Variants in TMEM184B observed in about 807,000 individuals in gnomAD.
The protein encoded by TMEM184B is transmembrane protein 184B, also known as putative MAPK-activating protein FM08.
TMEM184B carries 17 observed loss-of-function variants against 41.8 expected under a neutral mutation model. That is an observed-to-expected ratio of 0.41 (90% CI 0.28 to 0.61). TMEM184B has a LOEUF of 0.61. Among genes scored for constraint, TMEM184B ranks in the 20% least tolerant of loss-of-function variants. The pLI is 0.34. For missense variants in TMEM184B, 393 were observed against 557.8 expected, an observed-to-expected ratio of 0.70 and a Z score of 2.98; for synonymous variants, 240 against 229.5, an observed-to-expected ratio of 1.05 and a Z score of -0.41.
At chr22:38,270,184 C>A (rs558606927) in intron 1 of TMEM184B, among the ~76,000 whole-genome samples, 1 of 152,258 alleles carries the variant, frequency 6.6e-6, no homozygotes, top group East Asian at 1.9e-4. Context: ...CTGGAACGCC[C>A]TCCTTCTCCT....
chr22:38,231,536 A>C, intron 3 of TMEM184B: 9 of 696,084 alleles, frequency 1.3e-5, no homozygotes, highest in Non-Finnish European at 2.4e-5. Context: ...AAAACCCGGC[A>C]CACCTAAATT....
chr22:38,230,630 C>T, intron 5 of TMEM184B, 39 bp downstream of exon 5: 1 of 1,587,358 alleles, frequency 6.3e-7, no homozygotes, highest in Non-Finnish European at 8.6e-7. Flanking sequence ...AGACCCCGCC[C>T]TGCTCCTCCT....
intron 1 of TMEM184B, among the ~76,000 whole-genome samples, chr22:38,250,597 T>C (rs1310610815): frequency 6.6e-6 from 1 of 152,210 alleles, no homozygotes; most frequent in Non-Finnish European, 1.5e-5. Context: ...ATCATCTTTG[T>C]CTATCATCCC....
chr22:38,221,232 C>T lies in TMEM184B; in HGVS notation c.*237G>A. The T allele has an allele frequency of 7.2e-7, 1 of 1,387,652 alleles. No individual in the cohort carries two copies. The highest frequency in any genetic ancestry group is 1.7e-5 in the South Asian group (1 of 59,994). 86.0% of individuals were successfully genotyped at this position (1,387,652 alleles called of 1,614,324 possible). A position where few individuals can be genotyped will look rare whatever the true frequency, so the allele number is the denominator to read the frequency against. On this transcript the variant is annotated 3_prime_UTR_variant, in exon 9 of 9. Transcript: ENST00000361906. ...GGGGCATAAGCCTTGCTCCCAGTGT[C>T]CTCTGCCCTCGCCCGGGCAGTGCAG...
intron 8 of TMEM184B, chr22:38,222,434 G>A (rs556279390): frequency 4.2e-5 from 8 of 191,596 alleles, no homozygotes; most frequent in Non-Finnish European, 5.8e-5. Context: ...AGAAGAAGGC[G>A]GGGCATATTC....
chr22:38,257,785 T>A (rs185792380), intron 1 of TMEM184B, among the ~76,000 whole-genome samples: 1 of 152,278 alleles, frequency 6.6e-6, no homozygotes, highest in East Asian at 1.9e-4. Context: ...TGGGGGTGCA[T>A]GTTCAAGAGG....
intron 3 of TMEM184B, among the ~76,000 whole-genome samples, chr22:38,240,732 CA>C (rs550793359): frequency 0.068 from 4,483 of 66,162 alleles, 28 homozygotes; most frequent in African/African-American, 0.14. Flanking sequence ...GAAAAAAAGG[CA>C]AAAAAAAAAA....
chr22:38,238,020 G>A (rs1372735611), intron 3 of TMEM184B, among the ~76,000 whole-genome samples: 7 of 151,754 alleles, frequency 4.6e-5, no homozygotes, highest in African/African-American at 1.5e-4. Flanking sequence ...GGCTGGTCTC[G>A]AACTCCCGAC....
In TMEM184B at chr22:38,264,740, T is replaced by C. The variant is rs367827454; in HGVS notation, c.-59+8144A>G. On this transcript the variant is annotated intron_variant, in intron 1 of 8. Coordinates refer to ENST00000361906, the MANE Select transcript of TMEM184B (RefSeq NM_012264.5). The stretch of plus-strand genomic sequence containing the variant: ...GAAGCAGGGCAGGCCTTTCTCCCAC[T>C]TCCACAAATCTGGCCCAACTACTGC... 4.6e-5 allele frequency among the ~76,000 whole-genome samples: 7 copies of C among 152,230 alleles called. No individual in the cohort carries two copies. In the South Asian group the frequency reaches 6.2e-4, roughly 14 times the overall value.
chr22:38,230,456 G>A (rs1004808382), intron 5 of TMEM184B, among the ~76,000 whole-genome samples: 1 of 152,220 alleles, frequency 6.6e-6, no homozygotes, highest in African/African-American at 2.4e-5. Flanking sequence ...TGCCCACAGT[G>A]CAACAGACAC....
In TMEM184B at chr22:38,272,882, A is replaced by C. The variant is rs1463403703; in HGVS notation, c.-59+2T>G. 8 of 866,966 alleles carry C rather than the reference A, an allele frequency of 9.2e-6. No individual in the cohort carries two copies. Among genetic ancestry groups the C allele is most frequent in the Non-Finnish European group, 1.1e-5 (8 of 722,462 alleles). 53.7% of individuals were successfully genotyped at this position (866,966 alleles called of 1,614,324 possible). ...CCGGGCGAGGCCGGCCAGGCGGGAT[A>C]CCTCAGGAGCCCATGGCGGTGGCGG... On this transcript the variant is annotated splice_donor_variant, in intron 1 of 8. Coordinates refer to ENST00000361906, the MANE Select transcript of TMEM184B (RefSeq NM_012264.5). LOFTEE classifies it low-confidence loss of function (5UTR_SPLICE).
At position 38,246,073 on chromosome 22, in the gene TMEM184B, A is replaced by G; in HGVS notation, c.220T>C (p.Cys74Arg). 6.2e-7 allele frequency: 1 copy of G among 1,612,226 alleles called. No individual in the cohort carries two copies. Among genetic ancestry groups the G allele is most frequent in the Non-Finnish European group, 8.5e-7 (1 of 1,179,990 alleles). ...ACGATGTAGCGCTGCTCGTTGGGGCAGCTGTAGCAGCGCAGGTGCATGTAG... is the reference window on the plus strand; with the variant it reads ...ACGATGTAGCGCTGCTCGTTGGGGCGGCTGTAGCAGCGCAGGTGCATGTAG... ...QIYMHLRCYS[C>R]PNEQRYIVRI... The change falls in exon 3 of 9, where the codon TGC becomes CGC. Residue 74 changes from cysteine (C) to arginine (R), a missense_variant. Transcript: ENST00000361906.
intron 1 of TMEM184B, among the ~76,000 whole-genome samples, chr22:38,272,342 T>C (rs143099469): frequency 1.2e-4 from 19 of 152,168 alleles, no homozygotes; most frequent in South Asian, 1.0e-3. Context: ...CAAACATCTT[T>C]CGAGCCCCAG....
intron 1 of TMEM184B, among the ~76,000 whole-genome samples, chr22:38,259,732 G>A (rs989268330): frequency 4.6e-5 from 7 of 152,184 alleles, no homozygotes; most frequent in South Asian, 2.1e-4. Flanking sequence ...TAATGTGTGC[G>A]CATGCATTTT....
At chr22:38,254,891 G>T (rs1306391767) in intron 1 of TMEM184B, among the ~76,000 whole-genome samples, 1 of 143,132 alleles carries the variant, frequency 7.0e-6, no homozygotes, top group Non-Finnish European at 1.5e-5. Context: ...TTGGTCTGTC[G>T]CCCAGGCTGG....
At chr22:38,255,022 TTTTA>T (rs1376721539) in intron 1 of TMEM184B, among the ~76,000 whole-genome samples, 1 of 151,968 alleles carries the variant, frequency 6.6e-6, no homozygotes, top group Non-Finnish European at 1.5e-5. Context: ...AGCTAATTTT[TTTTA>T]TTTATTTATT....
At chr22:38,262,576 T>C (rs917949643) in intron 1 of TMEM184B, among the ~76,000 whole-genome samples, 2 of 152,216 alleles carry the variant, frequency 1.3e-5, no homozygotes, top group African/African-American at 2.4e-5. Context: ...TTAAAGTGTA[T>C]CTTTCTGTCA....
rs915306678 is a variant in TMEM184B at position 38,220,178 on chromosome 22, T to C, written c.*1291A>G. 6 of 984,996 alleles carry C rather than the reference T, an allele frequency of 6.1e-6. No individual in the cohort carries two copies. In the African/African-American group the frequency reaches 1.1e-4, roughly 17 times the overall value. 61.0% of individuals were successfully genotyped at this position (984,996 alleles called of 1,614,324 possible). On this transcript the variant is annotated 3_prime_UTR_variant, in exon 9 of 9. Transcript: ENST00000361906. ...GTCAGGAGCTAGTATAAGCCCAGCC[T>C]GCTGGGGGTTCCGGAGGCCCCAGGT...
intron 3 of TMEM184B, among the ~76,000 whole-genome samples, chr22:38,234,130 G>A (rs2091709233): frequency 6.6e-6 from 1 of 152,130 alleles, no homozygotes; most frequent in African/African-American, 2.4e-5. Context: ...CTGAGAGGTG[G>A]GGTCTTGTTC....
Sources: allele counts gnomAD v4.1 joint callset (sites outside exome capture counted in the v4.1 genomes callset), GRCh38; gene constraint gnomAD v4.1.1; transcripts MANE v1.5; gene names NCBI Gene and HGNC (gene_info 2026-07-23, HGNC 2026-07-21).